TNRC6B: variants seen among roughly 807,000 people sequenced by gnomAD.
TNRC6B encodes trinucleotide repeat-containing gene 6B protein.
In TNRC6B, 52 loss-of-function variants were observed where a neutral mutation model predicts 203.6. That is an observed-to-expected ratio of 0.26 (90% CI 0.20 to 0.32). The LOEUF (loss-of-function observed/expected upper bound fraction) is 0.32, where lower values mean the gene tolerates loss of function less well. Among genes scored for constraint, TNRC6B ranks in the 10% least tolerant of loss-of-function variants. The pLI is 1.00. For synonymous variants in TNRC6B, 838 were observed against 845.7 expected, an observed-to-expected ratio of 0.99 and a Z score of 0.16; for missense variants, 1,923 against 2,286.2, an observed-to-expected ratio of 0.84 and a Z score of 3.24.
At chr22:40,190,188 A>G (rs935532444) in intron 1 of TNRC6B, among the ~76,000 whole-genome samples, 4 of 152,222 alleles carry the variant, frequency 2.6e-5, no homozygotes, top group African/African-American at 9.6e-5. Context: ...GACTACCAAG[A>G]TAATGATTTC....
chr22:40,256,138 C>G (rs5757895), intron 3 of TNRC6B, among the ~76,000 whole-genome samples: 1 of 152,038 alleles, frequency 6.6e-6, no homozygotes, highest in Non-Finnish European at 1.5e-5. Context: ...ATTGAGAAGT[C>G]TAAGATACCA....
chr22:40,226,348 C>T (rs999011814), intron 1 of TNRC6B, among the ~76,000 whole-genome samples: 4 of 152,020 alleles, frequency 2.6e-5, no homozygotes, highest in African/African-American at 9.7e-5. Flanking sequence ...AGATAAGTGT[C>T]ACAAATAGCA....
intron 2 of TNRC6B, among the ~76,000 whole-genome samples, chr22:40,247,034 T>G (rs1367458772): frequency 1.3e-5 from 2 of 152,230 alleles, no homozygotes; most frequent in Non-Finnish European, 2.9e-5. Flanking sequence ...GTGGTTAGAA[T>G]GTACCTTACC....
chr22:40,095,375 G>C (rs2068179349), intron 1 of TNRC6B, among the ~76,000 whole-genome samples: 1 of 152,076 alleles, frequency 6.6e-6, no homozygotes, highest in South Asian at 2.1e-4. Context: ...TTCCGTTTCA[G>C]ACCACGCACC....
At chr22:40,048,540 CAAAAAAA>C (rs575286994) in intron 1 of TNRC6B, among the ~76,000 whole-genome samples, 1 of 85,334 alleles carries the variant, frequency 1.2e-5, no homozygotes, top group Non-Finnish European at 2.5e-5. Flanking sequence ...GGCTCCGTCT[CAAAAAAA>C]AAAAAAAAAA....
Position 40,301,603 on chromosome 22 carries a change from C to G in TNRC6B, c.4120+270C>G, listed in dbSNP as rs570129891. 658 of 448,460 alleles carry G rather than the reference C, an allele frequency of 1.5e-3. 6 individuals carry two copies. The highest frequency in any genetic ancestry group is 0.012 in the African/African-American group (616 of 50,358). 27.8% of individuals were successfully genotyped at this position (448,460 alleles called of 1,614,324 possible). On this transcript the variant is annotated intron_variant, in intron 15 of 22. Coordinates refer to ENST00000454349, the MANE Select transcript of TNRC6B (RefSeq NM_001162501.2). ...CTTTTTTTTGTGTGTGTGTGTGTGT[C>G]TGGTTTATTTTATTTAACACAGTAA...
intron 12 of TNRC6B, among the ~76,000 whole-genome samples, chr22:40,290,045 G>A (rs189643796): frequency 5.9e-5 from 9 of 152,226 alleles, no homozygotes; most frequent in Admixed American, 2.6e-4. Context: ...CCAAGCCACC[G>A]CCGTTTCTGT....
chr22:40,329,773 G>A lies in TNRC6B; in HGVS notation c.*6532G>A, dbSNP rs1020206961. On this transcript the variant is annotated 3_prime_UTR_variant, in exon 23 of 23. Transcript: ENST00000454349. Reference sequence around the variant, plus strand: ...GTAGTTTTTAAGCTGTCAGTCTCTTGTCATAACCTCCTACCGCCACCCAAA... The same window carrying A: ...GTAGTTTTTAAGCTGTCAGTCTCTTATCATAACCTCCTACCGCCACCCAAA... 2 of 152,146 alleles carry A rather than the reference G, an allele frequency of 1.3e-5. No individual in the cohort carries two copies. The highest frequency in any genetic ancestry group is 2.4e-5 in the African/African-American group (1 of 41,420). The allele number at this position is 152,146 out of a possible 1,614,324, so 9.4% of individuals were successfully genotyped here. A position where few individuals can be genotyped will look rare whatever the true frequency, so the allele number is the denominator to read the frequency against.
intron 1 of TNRC6B, among the ~76,000 whole-genome samples, chr22:40,048,817 T>C (rs1453793438): frequency 6.6e-6 from 1 of 151,968 alleles, no homozygotes; most frequent in Non-Finnish European, 1.5e-5. Context: ...TTTCCTTCCT[T>C]CCTTCCTTCC....
intron 1 of TNRC6B, among the ~76,000 whole-genome samples, chr22:40,056,651 A>G (rs1477239084): frequency 6.6e-6 from 1 of 152,104 alleles, no homozygotes; most frequent in Non-Finnish European, 1.5e-5. Flanking sequence ...TTTAAACATC[A>G]ACTGAGCATG....
chr22:40,254,710 A>T (rs1232708234), intron 3 of TNRC6B, among the ~76,000 whole-genome samples: 1 of 152,082 alleles, frequency 6.6e-6, no homozygotes, highest in Admixed American at 6.5e-5. Flanking sequence ...ACACAGTGAA[A>T]CTCTGTCTCT....
chr22:40,053,584 AC>A (rs1315412616), intron 1 of TNRC6B, among the ~76,000 whole-genome samples: 5 of 152,240 alleles, frequency 3.3e-5, no homozygotes, highest in Admixed American at 2.0e-4. Context: ...GACATAGACT[AC>A]ATTATATCAT....
chr22:40,062,315 C>CT (rs1208209645), intron 1 of TNRC6B, among the ~76,000 whole-genome samples: 1 of 152,036 alleles, frequency 6.6e-6, no homozygotes, highest in African/African-American at 2.4e-5. Flanking sequence ...GTTCTCCTGC[C>CT]TTAGCCTCCT....
intron 1 of TNRC6B, among the ~76,000 whole-genome samples, chr22:40,104,403 A>G (rs2068264513): frequency 6.6e-6 from 1 of 152,234 alleles, no homozygotes; most frequent in African/African-American, 2.4e-5. Flanking sequence ...TAGGAAACCT[A>G]TCAAGAGTAT....
intron 1 of TNRC6B, among the ~76,000 whole-genome samples, chr22:40,108,560 A>G (rs11913462): frequency 0.061 from 9,262 of 152,202 alleles, 934 homozygotes; most frequent in African/African-American, 0.21. Context: ...TAATACTAAG[A>G]TGCTGTATGC....
At chr22:40,145,827 C>A (rs2015410) in intron 3 of TNRC6B, among the ~76,000 whole-genome samples, 50,426 of 151,520 alleles carry the variant, frequency 0.33, 10,786 homozygotes, top group African/African-American at 0.61. Flanking sequence ...GGTGACAGAG[C>A]GAGACTTTGT....
chr22:40,101,393 G>T lies in TNRC6B; in HGVS notation c.-120-15662G>T, dbSNP rs577008673. Among the ~76,000 whole-genome samples the T allele has an allele frequency of 5.9e-5, 9 of 152,256 alleles. No homozygotes were observed. In the South Asian group the frequency reaches 1.9e-3, roughly 32 times the overall value. ...GCCGGCGCCACCCCCAGCATTTCTG[G>T]CTCACTAGTTCTGGGATAAGGTCTG... On this transcript the variant is annotated intron_variant, in intron 1 of 23. Transcript: ENST00000301923.
intron 1 of TNRC6B, among the ~76,000 whole-genome samples, chr22:40,098,733 GT>G (rs562659702): frequency 2.0e-5 from 3 of 151,614 alleles, no homozygotes; most frequent in East Asian, 1.9e-4. Flanking sequence ...ATTTTTTTTA[GT>G]TTTTTTATTT....
intron 3 of TNRC6B, among the ~76,000 whole-genome samples, chr22:40,147,853 GT>G (rs1282738963): frequency 1.3e-5 from 2 of 152,202 alleles, no homozygotes; most frequent in Admixed American, 6.5e-5. Context: ...ATTCGTGGTT[GT>G]CTGGGCCTCA....
Sources: allele counts gnomAD v4.1 joint callset (sites outside exome capture counted in the v4.1 genomes callset), GRCh38; gene constraint gnomAD v4.1.1; transcripts MANE v1.5; gene names NCBI Gene and HGNC (gene_info 2026-07-23, HGNC 2026-07-21).